INTS1: variants seen among roughly 807,000 people sequenced by gnomAD.
The protein encoded by INTS1 is integrator complex subunit 1.
INTS1 carries 137 observed loss-of-function variants against 241.6 expected under a neutral mutation model. The observed-to-expected ratio is 0.57, with a 90% CI of 0.49 to 0.65. The LOEUF is 0.65. Among genes scored for constraint, INTS1 ranks in the 30% least tolerant of loss-of-function variants. The probability of loss-of-function intolerance (pLI) is 0.00; values close to 1 mark genes in which losing one functional copy is unlikely to be tolerated. For missense variants in INTS1, 3,073 were observed against 3,032.2 expected, an observed-to-expected ratio of 1.01 and a Z score of -0.32; for synonymous variants, 1,692 against 1,337.8, an observed-to-expected ratio of 1.26 and a Z score of -5.78.
rs1041882024 is a variant in INTS1, at chr7:1,474,108, G to A, written c.5829+60C>T. The A allele has an allele frequency of 1.4e-5, 21 of 1,490,752 alleles. No homozygotes were observed. The Admixed American group carries it at 3.2e-4, about 23-fold the overall frequency. 92.3% of individuals were successfully genotyped at this position (1,490,752 alleles called of 1,614,324 possible). A position where few individuals can be genotyped will look rare whatever the true frequency, so the allele number is the denominator to read the frequency against. On this transcript the variant is annotated intron_variant, in intron 41 of 47. Transcript: ENST00000404767. ...GTCCCTCCGCGAGTGGGTGAGGCAG[G>A]CCTGGGCCAGAGCAGAGGGAGTGGA...
rs1782011395 is a variant in INTS1, at chr7:1,481,792, G to A, written c.3704-304C>T. Among the ~76,000 whole-genome samples the A allele has an allele frequency of 1.3e-5, 2 of 151,496 alleles. No homozygotes were observed. The highest frequency in any genetic ancestry group is 1.3e-4 in the Admixed American group (2 of 15,236). On this transcript the variant is annotated intron_variant, in intron 27 of 47. Transcript: ENST00000404767. The surrounding 1 kb of genome is among the most constrained non-coding windows in gnomAD (Gnocchi z 6.8). ...CCCACCTGAGACCCTGGGCCACGTG[G>A]GCTCGGTGACCCCACCCGAGACCTG...
rs755896608 is a variant in INTS1 at position 1,500,194 on chromosome 7, G to T, written c.522C>A (p.Ile174=). The T allele has an allele frequency of 1.9e-6, 3 of 1,597,316 alleles. No individual in the cohort carries two copies. The highest frequency in any genetic ancestry group is 2.6e-6 in the Non-Finnish European group (3 of 1,169,156). ...CCTCAATGACGCCCTCAGTGGCGAA[G>T]ATGTTGGGCTTGATCTTGGCCAGGT... The part of the protein sequence containing the change: ...LMYLAKIKPN[I]FATEGVIEAL... Residue 174 remains isoleucine (I), a synonymous_variant, in exon 4 of 48, where the codon ATC becomes ATA. Transcript: ENST00000404767.
Position 1,498,843 on chromosome 7 carries a change from G to T in INTS1, c.1147C>A (p.Pro383Thr), listed in dbSNP as rs748376047. ...MWLQNPKLTR[P>T]AQDLLMSVCM... ...ACGGACATCAGCAGGTCCTGGGCCGGCCGGGTCAGCTGCGGGGCCGAGGAG... is the reference window on the plus strand; with the variant it reads ...ACGGACATCAGCAGGTCCTGGGCCGTCCGGGTCAGCTGCGGGGCCGAGGAG... The change falls in exon 9 of 48, where the codon CCG becomes ACG. Residue 383 changes from proline (P) to threonine (T), a missense_variant. Coordinates refer to ENST00000404767, the MANE Select transcript of INTS1 (RefSeq NM_001080453.3). 1.2e-6 allele frequency: 2 copies of T among 1,603,560 alleles called. No individual in the cohort carries two copies. The highest frequency in any genetic ancestry group is 4.5e-5 in the East Asian group (2 of 44,460).
chr7:1,473,002 C>G (rs541301340), intron 43 of INTS1, 70 bp downstream of exon 43: 1 of 1,045,596 alleles, frequency 9.6e-7, no homozygotes, highest in Non-Finnish European at 1.4e-6. Flanking sequence ...GCTGGCTGTG[C>G]GCTGGGAAAA....
rs1040772832 is a variant in INTS1 at position 1,493,680 on chromosome 7, T to G, written c.2068+74A>C. ...CTTTGTGGAGCGCCCCAGAGGTGCG[T>G]GCCAGAGCCGGGGTTTCTGCAGGGA... is the stretch of plus-strand genomic sequence containing the variant. On this transcript the variant is annotated intron_variant, in intron 15 of 47. Coordinates refer to ENST00000404767, the MANE Select transcript of INTS1 (RefSeq NM_001080453.3). This position sits in a 1 kb window ranked among gnomAD's most constrained non-coding sequence, Gnocchi z 5.3. The G allele has an allele frequency of 2.0e-6, 3 of 1,488,074 alleles. No homozygotes were observed. In the Admixed American group the frequency reaches 6.6e-5, roughly 33 times the overall value. The allele number at this position is 1,488,074 out of a possible 1,614,324, so 92.2% of individuals were successfully genotyped here.
At chr7:1,476,536 C>T (rs1562488336) in intron 37 of INTS1, 34 bp downstream of exon 37, 1 of 1,607,778 alleles carries the variant, frequency 6.2e-7, no homozygotes, top group Non-Finnish European at 8.5e-7. Flanking sequence ...TGGGCCACCC[C>T]CTCTCCCGGA....
intron 46 of INTS1, 53 bp downstream of exon 46, chr7:1,471,080 G>T: frequency 6.5e-7 from 1 of 1,532,588 alleles, no homozygotes; most frequent in Non-Finnish European, 8.8e-7. Context: ...GCGGTGACCT[G>T]GGTTAGCAGG....
Position 1,487,798 on chromosome 7 carries a change from G to A in INTS1, c.2478C>T (p.Ser826=). The A allele has an allele frequency of 6.2e-7, 1 of 1,611,674 alleles. No individual in the cohort carries two copies. The highest frequency in any genetic ancestry group is 8.5e-7 in the Non-Finnish European group (1 of 1,179,822). Residue 826 remains serine (S), a synonymous_variant, in exon 19 of 48, where the codon AGC becomes AGT. Transcript: ENST00000404767. ...ASTKQTITES[S]SLLLSQLTSL... ...TGGTGAGCTGCGACAGGAGGAGGCT[G>A]CTGCTCTCAGTGATGGTCTGCTTGG... is the stretch of plus-strand genomic sequence containing the variant.
chr7:1,474,107 G>A (rs1781597817), intron 41 of INTS1, 61 bp downstream of exon 41: 1 of 1,488,104 alleles, frequency 6.7e-7, no homozygotes, highest in Non-Finnish European at 8.9e-7. Flanking sequence ...GGGTGAGGCA[G>A]GCCTGGGCCA....
At position 1,487,311 on chromosome 7, in the gene INTS1, G is replaced by C; in HGVS notation, c.2646+9C>G. 3 of 1,584,230 alleles carry C rather than the reference G, an allele frequency of 1.9e-6. No homozygotes were observed. The highest frequency in any genetic ancestry group is 2.6e-6 in the Non-Finnish European group (3 of 1,165,618). On this transcript the variant is annotated intron_variant, in intron 20 of 47. Coordinates refer to ENST00000404767, the MANE Select transcript of INTS1 (RefSeq NM_001080453.3). ...CACCATCTCTACCTCCTGGAGCCTC[G>C]GCACTCACCTGCCGCTGGATGATGT...
chr7:1,487,719 C>A, intron 19 of INTS1, 41 bp downstream of exon 19: 1 of 1,598,414 alleles, frequency 6.3e-7, no homozygotes, highest in South Asian at 1.1e-5. Flanking sequence ...ACCCACAGGT[C>A]CCGACGGCAG....
chr7:1,473,937 G>A (rs1250919616), intron 41 of INTS1, among the ~76,000 whole-genome samples: 3 of 152,258 alleles, frequency 2.0e-5, no homozygotes. Flanking sequence ...GACACGCAGA[G>A]AACAGCACGG....
intron 16 of INTS1, among the ~76,000 whole-genome samples, chr7:1,492,574 C>A (rs561282751): frequency 6.6e-6 from 1 of 152,180 alleles, no homozygotes; most frequent in African/African-American, 2.4e-5. Context: ...TTAGATAACA[C>A]GTACATGAAT....
At position 1,483,987 on chromosome 7, in the gene INTS1, ACCT is replaced by A; in HGVS notation, c.3429+13_3429+15del. 6.2e-7 allele frequency: 1 copy of A among 1,600,258 alleles called. No individual in the cohort carries two copies. The highest frequency in any genetic ancestry group is 1.3e-5 in the African/African-American group (1 of 74,658). ...CCTCCTCGCCCTCACCCGGCCGTAGACCTCCTCGCCCTCACCCAGCTGTAGACC... is the reference window on the plus strand; with the variant it reads ...CCTCCTCGCCCTCACCCGGCCGTAGACCTCGCCCTCACCCAGCTGTAGACC... On this transcript the variant is annotated intron_variant, in intron 25 of 47. Coordinates refer to ENST00000404767, the MANE Select transcript of INTS1 (RefSeq NM_001080453.3).
chr7:1,482,370 C>T, intron 27 of INTS1, 176 bp downstream of exon 27: 1 of 552,432 alleles, frequency 1.8e-6, no homozygotes, highest in South Asian at 3.3e-5. Flanking sequence ...GGTCTCCTCC[C>T]AGGGTCCAGC....
Position 1,476,282 on chromosome 7 carries a change from A to G in INTS1, c.5325T>C (p.Ser1775=), listed in dbSNP as rs374301655. Residue 1775 remains serine (S), a synonymous_variant, in exon 38 of 48, where the codon AGT becomes AGC. Transcript: ENST00000404767. ...ACAGGTGCTCCGTCACCTTCCTGAC[A>G]CTCTCATCGTCCCCACAGCAGCAGC... ...LLSCCCGDDE[S]VRKVTEHLSG... The G allele has an allele frequency of 1.8e-5, 29 of 1,583,256 alleles. No individual in the cohort carries two copies. Among genetic ancestry groups the G allele is most frequent in the Middle Eastern group, 1.7e-4 (1 of 6,044 alleles).
In INTS1 at chr7:1,482,576, G is replaced by A. The variant is rs1438786639; in HGVS notation, c.3673C>T (p.Arg1225Cys). ...TCCACCAGGCGGAGCACCTCAGAAC[G>A]GATCATGCGCAGCTTCAGCCAGTCA... ...LPDWLKLRMI[R>C]SEVLRLVDAA... Residue 1225 changes from arginine (R) to cysteine (C), a missense_variant, in exon 27 of 48, where the codon CGT (arginine) becomes TGT (cysteine). Transcript: ENST00000404767. The A allele has an allele frequency of 6.2e-6, 10 of 1,612,732 alleles. No homozygotes were observed. The highest frequency in any genetic ancestry group is 1.7e-4 in the Middle Eastern group (1 of 6,060).
intron 8 of INTS1, 32 bp downstream of exon 8, chr7:1,498,943 G>GGCCCCCCCCCCCCC: frequency 2.8e-6 from 3 of 1,070,738 alleles, no homozygotes; most frequent in Non-Finnish European, 3.8e-6. Flanking sequence ...CCCACCCCCT[G>GGCCCCCCCCCCCCC]CCCCGCCCAC....
At chr7:1,494,765 G>T in intron 14 of INTS1, 51 bp downstream of exon 14, 1 of 1,532,922 alleles carries the variant, frequency 6.5e-7, no homozygotes. Context: ...CCGGCACCCC[G>T]CAGCCCCGCC....
Sources: gnomAD v4.1 joint callset for allele counts (sites outside exome capture counted in the v4.1 genomes callset) on GRCh38, gnomAD v4.1.1 for gene constraint, Gnocchi (gnomAD v3.1) non-coding constraint, MANE v1.5 for transcripts, NCBI Gene and HGNC (gene_info 2026-07-23, HGNC 2026-07-21) for gene names.